The following BTG3 variants were observed in gnomAD, a reference collection of about 807,000 sequenced individuals.
The protein encoded by BTG3 is protein BTG3.
A neutral mutation model predicts 25.8 loss-of-function variants in BTG3; 4 were observed. The observed-to-expected ratio is 0.16, with a 90% confidence interval of 0.08 to 0.36. BTG3 has a LOEUF of 0.36. BTG3 is among the 10% of genes least tolerant of loss of function. The pLI, the probability that BTG3 is intolerant of heterozygous loss-of-function variation, is 1.00. For synonymous variants in BTG3, 107 were observed against 99.9 expected (o/e 1.07, Z -0.42); for missense variants, 201 against 304.9 (o/e 0.66, Z 2.54).
At chr21:17,602,380 GTC>G (rs1044982154) in intron 3 of BTG3, among the ~76,000 whole-genome samples, 11 of 152,070 alleles carry the variant, frequency 7.2e-5, no homozygotes, top group Non-Finnish European at 1.0e-4. Context: ...TACAATCTTA[GTC>G]TCTAGTATAC....
At chr21:17,600,377 A>T (rs763104642) in intron 3 of BTG3, among the ~76,000 whole-genome samples, 1 of 152,206 alleles carries the variant, frequency 6.6e-6, no homozygotes, top group Non-Finnish European at 1.5e-5. Context: ...GATAAAAATA[A>T]GTAACTCTAA....
At chr21:17,604,464 G>A (rs193158114) in intron 3 of BTG3, among the ~76,000 whole-genome samples, 4 of 152,206 alleles carry the variant, frequency 2.6e-5, no homozygotes, top group Admixed American at 2.6e-4. Context: ...AGAGGAGAGA[G>A]GGAGAATAAA....
At chr21:17,610,092 C>T (rs1474363591) in intron 1 of BTG3, among the ~76,000 whole-genome samples, 5 of 152,238 alleles carry the variant, frequency 3.3e-5, no homozygotes, top group South Asian at 2.1e-4. Flanking sequence ...ACATATTGTA[C>T]GATTCCATTG....
Position 17,611,546 on chromosome 21 carries a change from G to C in BTG3, c.-9+1153C>G, listed in dbSNP as rs373716819. ...AAGCCCACTCCCACCAGTATTCTAG[G>C]AGTACCAAAAGGTGAAAGAGGGAGA... On this transcript the variant is annotated intron_variant, in intron 1 of 4. Transcript: ENST00000348354. 14 of 152,338 alleles carry C rather than the reference G, an allele frequency of 9.2e-5. No individual in the cohort carries two copies. In the East Asian group the frequency reaches 1.7e-3, roughly 19 times the overall value. 9.4% of individuals were successfully genotyped at this position (152,338 alleles called of 1,614,324 possible).
intron 1 of BTG3, among the ~76,000 whole-genome samples, chr21:17,610,154 G>A (rs1361990192): frequency 6.6e-6 from 1 of 152,138 alleles, no homozygotes; most frequent in Non-Finnish European, 1.5e-5. Flanking sequence ...ACAGATTAGT[G>A]GCCTACGGGG....
At chr21:17,604,735 C>T (rs1032900635) in intron 3 of BTG3, 125 bp downstream of exon 3, 8 of 1,187,388 alleles carry the variant, frequency 6.7e-6, no homozygotes, top group Non-Finnish European at 9.1e-6. Context: ...ATAAAATTTA[C>T]ATCTGAGAGA....
chr21:17,594,347 A>C lies in BTG3; in HGVS notation c.520-15T>G, dbSNP rs753128595. 4 of 1,608,052 alleles carry C rather than the reference A, an allele frequency of 2.5e-6. No individual in the cohort carries two copies. The highest frequency in any genetic ancestry group is 2.7e-5 in the African/African-American group (2 of 74,538). On this transcript the variant is annotated splice_polypyrimidine_tract_variant and intron_variant, in intron 4 of 4. Coordinates refer to ENST00000348354, the MANE Select transcript of BTG3 (RefSeq NM_006806.5). ...AGTTCTGAAATCTGTAGGGAAGAGAACACATTAAGTTAATTCAAAGGAAAA... is the reference window on the plus strand; with the variant it reads ...AGTTCTGAAATCTGTAGGGAAGAGACCACATTAAGTTAATTCAAAGGAAAA...
intron 3 of BTG3, among the ~76,000 whole-genome samples, chr21:17,599,349 T>A (rs986769288): frequency 2.6e-5 from 4 of 152,098 alleles, no homozygotes; most frequent in African/African-American, 9.7e-5. Context: ...CTCAGCTAAT[T>A]TATATACATT....
chr21:17,603,298 T>G (rs1273153971), intron 3 of BTG3, among the ~76,000 whole-genome samples: 1 of 152,182 alleles, frequency 6.6e-6, no homozygotes, highest in East Asian at 1.9e-4. Flanking sequence ...AATCTAAAAA[T>G]GTTTATTTTC....
At chr21:17,609,554 A>G (rs992043183) in intron 1 of BTG3, among the ~76,000 whole-genome samples, 2 of 152,234 alleles carry the variant, frequency 1.3e-5, no homozygotes, top group African/African-American at 4.8e-5. Context: ...AACATAAAAA[A>G]AGTCTACTTT....
rs773659238 is a variant in BTG3 at position 17,608,990 on chromosome 21, G to C, written c.155C>G (p.Ser52Trp). ...CCTTTACCTGTAGGCCTGTCCTTTC[G>C]ATGGTTTTTCTGGATACCAGTGATT... ...YKNHWYPEKP[S>W]KGQAYRCIRV... The change falls in exon 2 of 5, where the codon TCG becomes TGG. Residue 52 changes from serine (S) to tryptophan (W), a missense_variant. This residue lies in a region of BTG3 where 70 missense variants were observed against 175.7 expected (regional missense o/e 0.40). Coordinates refer to ENST00000348354, the MANE Select transcript of BTG3 (RefSeq NM_006806.5). The C allele has an allele frequency of 2.5e-6, 4 of 1,613,242 alleles. No individual in the cohort carries two copies. The highest frequency in any genetic ancestry group is 4.5e-5 in the East Asian group (2 of 44,872).
At chr21:17,611,085 A>G (rs1196092254) in intron 1 of BTG3, among the ~76,000 whole-genome samples, 2 of 152,248 alleles carry the variant, frequency 1.3e-5, no homozygotes, top group Non-Finnish European at 2.9e-5. Flanking sequence ...ACACGTATAC[A>G]TAACCCCAGC....
chr21:17,604,373 A>G (rs2061611974), intron 3 of BTG3: 1 of 199,416 alleles, frequency 5.0e-6, no homozygotes, highest in Non-Finnish European at 1.1e-5. Flanking sequence ...TGAACCCGGC[A>G]GGCAGAGGTT....
intron 2 of BTG3, among the ~76,000 whole-genome samples, chr21:17,608,313 C>A (rs1259771536): frequency 2.0e-5 from 3 of 151,470 alleles, no homozygotes; most frequent in African/African-American, 7.3e-5. Context: ...TTTGAGGCTG[C>A]AGTGAGCTAT....
intron 4 of BTG3, 59 bp downstream of exon 4, chr21:17,598,558 C>T: frequency 6.9e-7 from 1 of 1,452,234 alleles, no homozygotes; most frequent in Non-Finnish European, 9.5e-7. Context: ...GTAGGACTAC[C>T]TGAAAGGTCC....
intron 3 of BTG3, among the ~76,000 whole-genome samples, chr21:17,600,640 G>A (rs2061560077): frequency 6.6e-6 from 1 of 151,946 alleles, no homozygotes; most frequent in African/African-American, 2.4e-5. Context: ...GGGTAACATG[G>A]TGAGACCCTG....
rs574592243 is a variant in BTG3 at position 17,607,584 on chromosome 21, A to C, written c.173+1388T>G. Among the ~76,000 whole-genome samples the C allele has an allele frequency of 1.3e-4, 20 of 152,306 alleles. No individual in the cohort carries two copies. In the South Asian group the frequency reaches 3.3e-3, roughly 25 times the overall value. On this transcript the variant is annotated intron_variant, in intron 2 of 4. Transcript: ENST00000348354. ...CTCACTTGACTTTCAGTACATGAGA[A>C]ATTAGCAAATAATATGTTTACCTCC...
At chr21:17,595,679 T>G (rs2061494936) in intron 4 of BTG3, among the ~76,000 whole-genome samples, 1 of 151,840 alleles carries the variant, frequency 6.6e-6, no homozygotes, top group Non-Finnish European at 1.5e-5. Flanking sequence ...GTTTTCAGTC[T>G]CTTACTATTA....
chr21:17,609,300 C>A, intron 1 of BTG3, 148 bp from the exon 2 acceptor site: 1 of 741,616 alleles, frequency 1.3e-6, no homozygotes, highest in Middle Eastern at 3.9e-4. Context: ...AAGTAGAGAA[C>A]AATCTACTTA....
Sources: allele counts gnomAD v4.1 joint callset (sites outside exome capture counted in the v4.1 genomes callset), GRCh38; gene constraint gnomAD v4.1.1; regional missense constraint gnomAD v4.1.1; transcripts MANE v1.5; gene names NCBI Gene and HGNC (gene_info 2026-07-23, HGNC 2026-07-21).